Variants in ATPSCKMT observed in about 807,000 individuals in gnomAD.
The protein encoded by ATPSCKMT is ATP synthase subunit C lysine N-methyltransferase.
A neutral mutation model predicts 24.3 loss-of-function variants in ATPSCKMT; 24 were observed. The ratio of observed to expected loss-of-function variants is 0.99; its 90% confidence interval spans 0.71 to 1.39. The LOEUF is 1.39. Ranked by LOEUF, ATPSCKMT falls within the 40% of genes most tolerant of loss-of-function variation. The pLI, the probability that ATPSCKMT is intolerant of heterozygous loss-of-function variation, is 0.00. For missense variants in ATPSCKMT, 311 were observed against 298.4 expected (o/e 1.04, Z -0.31); for synonymous variants, 95 against 110.5 (o/e 0.86, Z 0.88).
rs375544550 is a variant in ATPSCKMT, at chr5:10,227,551, C to T, written c.592G>A (p.Val198Ile). Reference protein sequence around the residue: ...FPFPHWTPDHVTGEGIDTVWA... With the variant: ...FPFPHWTPDHITGEGIDTVWA... ...ACTGTGTCTATCCCCTCCCCCGTGA[C>T]GTGGTCTGGAGTCCAATGTGGGAAA... is the stretch of plus-strand genomic sequence containing the variant. The change falls in exon 5 of 5, where the codon GTC (valine) becomes ATC (isoleucine). Residue 198 changes from valine to isoleucine, a missense_variant. Physicochemically the swap from Val to Ile is conservative, Grantham distance 29 (BLOSUM62 3). Transcript: ENST00000511437. 3.3e-5 allele frequency: 54 copies of T among 1,614,072 alleles called. No individual in the cohort carries two copies. In the South Asian group the frequency reaches 3.7e-4, roughly 11 times the overall value.
chr5:10,238,261 G>A (rs1744466151), intron 2 of ATPSCKMT, among the ~76,000 whole-genome samples: 1 of 151,780 alleles, frequency 6.6e-6, no homozygotes, highest in African/African-American at 2.4e-5. Flanking sequence ...TACGGTATGT[G>A]TATCTTAACA....
chr5:10,231,521 A>T (rs934140329), intron 4 of ATPSCKMT, among the ~76,000 whole-genome samples: 1 of 151,210 alleles, frequency 6.6e-6, no homozygotes, highest in South Asian at 2.1e-4. Context: ...CACTCATGCC[A>T]CACCTGCCTG....
intron 1 of ATPSCKMT, among the ~76,000 whole-genome samples, chr5:10,248,677 G>T (rs376873223): frequency 6.6e-6 from 1 of 152,252 alleles, no homozygotes; most frequent in African/African-American, 2.4e-5. Flanking sequence ...CCCCAGAGTA[G>T]ATGGGAACAC....
In ATPSCKMT at chr5:10,239,262, C is replaced by A. The variant is rs374362575; in HGVS notation, c.111G>T (p.Gly37=). Residue 37 remains glycine, a synonymous_variant, in exon 2 of 5, where the codon GGG becomes GGT. Transcript: ENST00000511437. ...EVNSLQKSNW[G]FLLTGLVGGT... is the part of the protein sequence containing the mutation. ...CACCCACAAGCCCAGTAAGTAAGAA[C>A]CCCCAGTTGCTTTTCTGCAAACTGT... The A allele has an allele frequency of 1.9e-6, 3 of 1,614,046 alleles. No homozygotes were observed. The highest frequency in any genetic ancestry group is 1.7e-6 in the Non-Finnish European group (2 of 1,180,032).
At chr5:10,231,360 C>T (rs894196737) in intron 4 of ATPSCKMT, among the ~76,000 whole-genome samples, 5 of 152,108 alleles carry the variant, frequency 3.3e-5, no homozygotes, top group Non-Finnish European at 7.3e-5. Context: ...AACCTGTCTC[C>T]CAGCTTGTAC....
At chr5:10,244,396 A>T (rs1182664884) in intron 1 of ATPSCKMT, 1 of 152,182 alleles carries the variant, frequency 6.6e-6, no homozygotes, top group African/African-American at 2.4e-5. Flanking sequence ...TTCTGTTTGT[A>T]AGAAGCACAC....
intron 1 of ATPSCKMT, among the ~76,000 whole-genome samples, chr5:10,241,989 T>G (rs1327960841): frequency 6.6e-6 from 1 of 152,218 alleles, no homozygotes; most frequent in South Asian, 2.1e-4. Flanking sequence ...AAAAAAGAGT[T>G]TATTGCTAAG....
intron 3 of ATPSCKMT, 158 bp downstream of exon 3, chr5:10,236,320 G>C: frequency 1.1e-6 from 1 of 912,582 alleles, no homozygotes. Flanking sequence ...GAGACTATTT[G>C]TAAAACGTAT....
At chr5:10,229,119 A>G (rs961014624) in intron 4 of ATPSCKMT, among the ~76,000 whole-genome samples, 1 of 152,212 alleles carries the variant, frequency 6.6e-6, no homozygotes, top group Non-Finnish European at 1.5e-5. Flanking sequence ...AGGAAATTTA[A>G]CATTGTATTC....
chr5:10,230,690 G>T (rs927900012), intron 4 of ATPSCKMT, among the ~76,000 whole-genome samples: 7 of 152,062 alleles, frequency 4.6e-5, no homozygotes, highest in African/African-American at 1.7e-4. Flanking sequence ...TTTAAACATA[G>T]TTCTGAAAGG....
chr5:10,239,477 A>T, intron 1 of ATPSCKMT, 121 bp from the exon 2 acceptor site: 1 of 819,840 alleles, frequency 1.2e-6, no homozygotes, highest in Non-Finnish European at 1.9e-6. Flanking sequence ...AATTTAGCTG[A>T]ATACAAGCTA....
intron 2 of ATPSCKMT, 51 bp from the exon 3 acceptor site, chr5:10,236,666 C>T: frequency 6.3e-7 from 1 of 1,596,600 alleles, no homozygotes; most frequent in Admixed American, 1.8e-5. Context: ...AATGAACATA[C>T]ATGGTCAAAC....
At chr5:10,240,766 C>A (rs947038686) in intron 1 of ATPSCKMT, among the ~76,000 whole-genome samples, 15 of 152,200 alleles carry the variant, frequency 9.9e-5, no homozygotes, top group Non-Finnish European at 1.8e-4. Context: ...GAGGCCACGG[C>A]GGGCAGATCA....
chr5:10,244,754 A>G (rs1744813969), intron 1 of ATPSCKMT, among the ~76,000 whole-genome samples: 1 of 152,116 alleles, frequency 6.6e-6, no homozygotes, highest in South Asian at 2.1e-4. Flanking sequence ...TCTACAAAAA[A>G]TAAATTAGCC....
intron 1 of ATPSCKMT, among the ~76,000 whole-genome samples, chr5:10,243,292 T>C (rs532154841): frequency 1.3e-5 from 2 of 152,268 alleles, no homozygotes. Flanking sequence ...AAGACCAGTC[T>C]GACCAACATG....
intron 1 of ATPSCKMT, among the ~76,000 whole-genome samples, chr5:10,245,446 T>C (rs915838697): frequency 3.3e-5 from 5 of 151,114 alleles, no homozygotes; most frequent in Non-Finnish European, 5.9e-5. Context: ...ATAAAATAAA[T>C]AAACACAATT....
chr5:10,239,831 A>C (rs528624698), intron 1 of ATPSCKMT, among the ~76,000 whole-genome samples: 1 of 152,320 alleles, frequency 6.6e-6, no homozygotes, highest in Admixed American at 6.5e-5. Context: ...ATCCAGTTTC[A>C]CCAATACAAT....
intron 1 of ATPSCKMT, among the ~76,000 whole-genome samples, chr5:10,245,427 A>C (rs1199332157): frequency 3.3e-5 from 5 of 151,916 alleles, no homozygotes; most frequent in Admixed American, 2.6e-4. Flanking sequence ...CTCAAAAAAT[A>C]ATAATAAAAT....
At chr5:10,249,821 A>C in intron 1 of ATPSCKMT, 37 bp downstream of exon 1, 12 of 1,425,248 alleles carry the variant, frequency 8.4e-6, no homozygotes, top group Non-Finnish European at 1.1e-5. Flanking sequence ...ACCCCTTCTC[A>C]TGCCCCCAGG....
Sources: gnomAD v4.1 joint callset for allele counts (sites outside exome capture counted in the v4.1 genomes callset) on GRCh38, gnomAD v4.1.1 for gene constraint, MANE v1.5 for transcripts, NCBI Gene and HGNC (gene_info 2026-07-23, HGNC 2026-07-21) for gene names.